Variants in DAB1 observed in about 807,000 individuals in gnomAD.
DAB1 encodes DAB adaptor protein 1.
A neutral mutation model predicts 64.6 loss-of-function variants in DAB1; 15 were observed. That is an observed-to-expected ratio of 0.23 (90% CI 0.16 to 0.36). DAB1 has a LOEUF of 0.36. DAB1 is among the 10% of genes least tolerant of loss of function. The pLI is 1.00. For synonymous variants in DAB1, 235 were observed against 251.9 expected, an observed-to-expected ratio of 0.93 and a Z score of 0.64; for missense variants, 596 against 706.7, an observed-to-expected ratio of 0.84 and a Z score of 1.78.
rs114448381 is a variant in DAB1, at chr1:58,396,468, G to C, written n.258-53065C>G. On this transcript the variant is annotated intron_variant and non_coding_transcript_variant, in intron 3 of 20. Coordinates refer to the DAB1 transcript ENST00000485760. ...CCCAGAGGCAGGAGACAGGAGGGAG[G>C]AGGGAAAGGAGAGAAAGAAAACACA... Among the ~76,000 whole-genome samples, 627 of 152,082 alleles carry C rather than the reference G, an allele frequency of 4.1e-3. 5 individuals carry two copies. The highest frequency in any genetic ancestry group is 4.5e-3 in the Non-Finnish European group (308 of 68,000).
chr1:57,912,005 G>C (rs2102009803), intron 5 of DAB1, among the ~76,000 whole-genome samples: 1 of 152,268 alleles, frequency 6.6e-6, no homozygotes, highest in Non-Finnish European at 1.5e-5. Flanking sequence ...TTCCCAACTG[G>C]ACCCTGACTG....
intron 7 of DAB1, among the ~76,000 whole-genome samples, chr1:57,540,165 C>T (rs1644784944): frequency 6.6e-6 from 1 of 152,128 alleles, no homozygotes; most frequent in South Asian, 2.1e-4. Context: ...TAATTTTTGC[C>T]ATTTTATGAA....
intron 11 of DAB1, among the ~76,000 whole-genome samples, chr1:57,019,729 T>C (rs372012205): frequency 6.6e-6 from 1 of 152,124 alleles, no homozygotes; most frequent in African/African-American, 2.4e-5. Flanking sequence ...TGTCCAATAG[T>C]GGAGGGAGGA....
chr1:58,145,058 T>G (rs942902189), intron 5 of DAB1, among the ~76,000 whole-genome samples: 2 of 152,208 alleles, frequency 1.3e-5, no homozygotes, highest in African/African-American at 4.8e-5. Context: ...TGTGTGAGAA[T>G]ACAAACAAGA....
intron 4 of DAB1, among the ~76,000 whole-genome samples, chr1:58,163,047 C>T (rs1281613657): frequency 6.6e-6 from 1 of 152,066 alleles, no homozygotes; most frequent in African/African-American, 2.4e-5. Flanking sequence ...ATGACTCAGT[C>T]CAAAATGCCA....
chr1:57,566,276 G>A (rs951821131), intron 7 of DAB1, among the ~76,000 whole-genome samples: 3 of 152,204 alleles, frequency 2.0e-5, no homozygotes, highest in African/African-American at 7.2e-5. Context: ...ATTCAAAGCA[G>A]TGTGTAGAGG....
At chr1:58,254,318 C>G (rs74731469) in intron 4 of DAB1, among the ~76,000 whole-genome samples, 1,600 of 152,246 alleles carry the variant, frequency 0.011, 34 homozygotes, top group African/African-American at 0.036. Context: ...AGTGCTGCCC[C>G]CTACCCCACC....
chr1:58,527,973 C>T (rs1030348903), intron 1 of DAB1, among the ~76,000 whole-genome samples: 1 of 152,160 alleles, frequency 6.6e-6, no homozygotes, highest in East Asian at 1.9e-4. Context: ...TCAGTAAGTA[C>T]TAAAACTTTG....
intron 2 of DAB1, among the ~76,000 whole-genome samples, chr1:57,233,514 A>C (rs1005387600): frequency 2.6e-5 from 4 of 151,942 alleles, no homozygotes; most frequent in Admixed American, 2.0e-4. Flanking sequence ...TAATCCCAGC[A>C]CTTTGGGAGC....
At chr1:57,413,743 CAAA>C (rs58388088) in intron 1 of DAB1, among the ~76,000 whole-genome samples, 29 of 64,496 alleles carry the variant, frequency 4.5e-4, no homozygotes, top group South Asian at 1.4e-3. Context: ...GACTCTGTCT[CAAA>C]AAAAAAAAAA....
At chr1:58,460,315 C>G (rs1233952036) in intron 3 of DAB1, among the ~76,000 whole-genome samples, 1 of 152,178 alleles carries the variant, frequency 6.6e-6, no homozygotes, top group Non-Finnish European at 1.5e-5. Flanking sequence ...ACACGTGGGA[C>G]TGGGCAGGGA....
intron 2 of DAB1, among the ~76,000 whole-genome samples, chr1:57,185,533 T>TG (rs35461882): frequency 0.64 from 97,164 of 151,810 alleles, 31,916 homozygotes; most frequent in African/African-American, 0.8. Flanking sequence ...GACACAAGAA[T>TG]GGGACAAACC....
At chr1:57,840,984 C>G (rs1010203475) in intron 1 of DAB1, among the ~76,000 whole-genome samples, 1 of 152,178 alleles carries the variant, frequency 6.6e-6, no homozygotes, top group Non-Finnish European at 1.5e-5. Context: ...AGTCCAAAGT[C>G]TCATCTGAGA....
chr1:57,426,945 G>A (rs1282855605), upstream of DAB1, among the ~76,000 whole-genome samples: 2 of 151,270 alleles, frequency 1.3e-5, no homozygotes, highest in Non-Finnish European at 3.0e-5. Flanking sequence ...CTCACTGCAA[G>A]CTCCGCCTCC....
Position 57,069,411 on chromosome 1 carries a change from C to T in DAB1, c.612G>A (p.Glu204=). Residue 204 remains glutamate (E), a synonymous_variant, in exon 8 of 15, where the codon GAG becomes GAA. Coordinates refer to ENST00000371236, the MANE Select transcript of DAB1 (RefSeq NM_001365792.1). The stretch of plus-strand genomic sequence containing the variant: ...GATCACGGATTGGCTCGTGTCCAGC[C>T]TCAAACACAATGTACTATTACAGGA... ...EDPVYQYIVF[E]AGHEPIRDPE... 1 of 1,613,364 alleles carries T rather than the reference C, an allele frequency of 6.2e-7. No homozygotes were observed.
chr1:57,520,889 A>G (rs1644517706), intron 7 of DAB1, among the ~76,000 whole-genome samples: 1 of 152,060 alleles, frequency 6.6e-6, no homozygotes, highest in Admixed American at 6.5e-5. Flanking sequence ...CCAACAGGAA[A>G]AAAAAGAGAG....
intron 1 of DAB1, among the ~76,000 whole-genome samples, chr1:58,529,742 T>C (rs1033153699): frequency 2.0e-5 from 3 of 152,146 alleles, no homozygotes; most frequent in Non-Finnish European, 2.9e-5. Context: ...AAAAACAATT[T>C]AAAAAACTAC....
intron 7 of DAB1, among the ~76,000 whole-genome samples, chr1:57,621,012 G>GGT (rs1212363193): frequency 1.3e-4 from 20 of 150,906 alleles, no homozygotes; most frequent in East Asian, 5.9e-4. Flanking sequence ...TTTGTGTCTG[G>GGT]GTGTGTGTGT....
At chr1:57,726,226 T>C (rs985782) in intron 6 of DAB1, among the ~76,000 whole-genome samples, 120,904 of 152,128 alleles carry the variant, frequency 0.79, 48,211 homozygotes, top group East Asian at 0.93. Flanking sequence ...GTGGAAGGGA[T>C]GCACAAAGCA....
Sources: gnomAD v4.1 joint callset for allele counts (sites outside exome capture counted in the v4.1 genomes callset) on GRCh38, gnomAD v4.1.1 for gene constraint, MANE v1.5 for transcripts, NCBI Gene and HGNC (gene_info 2026-07-23, HGNC 2026-07-21) for gene names.